The following SLC24A2 variants were observed in gnomAD, a reference collection of about 807,000 sequenced individuals.
SLC24A2 encodes solute carrier family 24 member 2.
Under a neutral mutation model 62.0 loss-of-function variants are expected in SLC24A2, and 36 were observed. That is an observed-to-expected ratio of 0.58 (90% CI 0.44 to 0.77). The LOEUF (loss-of-function observed/expected upper bound fraction) is 0.77, where lower values mean the gene tolerates loss of function less well. Among genes scored for constraint, SLC24A2 ranks in the 30% least tolerant of loss-of-function variants. SLC24A2 has a pLI of 0.00. For synonymous variants in SLC24A2, 358 were observed against 294.0 expected (o/e 1.22, Z -2.23); for missense variants, 846 against 817.9 (o/e 1.03, Z -0.42).
chr9:19,578,393 AG>A (rs1836098263), intron 5 of SLC24A2, among the ~76,000 whole-genome samples: 1 of 147,988 alleles, frequency 6.8e-6, no homozygotes, highest in African/African-American at 2.5e-5. Flanking sequence ...AAAAGTGCAG[AG>A]ATTAGGGAAA....
chr9:19,602,379 T>C (rs1037947866), intron 4 of SLC24A2, among the ~76,000 whole-genome samples: 3 of 152,208 alleles, frequency 2.0e-5, no homozygotes, highest in Non-Finnish European at 2.9e-5. Context: ...TGAACCTTGT[T>C]CTAACATCCT....
At chr9:19,696,295 G>T (rs1005933275) in intron 2 of SLC24A2, among the ~76,000 whole-genome samples, 9 of 152,192 alleles carry the variant, frequency 5.9e-5, no homozygotes, top group Admixed American at 3.3e-4. Flanking sequence ...TGCCAAAAAG[G>T]TTGGGACCAT....
the SLC24A2 span, chr9:19,929,235 C>G: frequency 1.3e-5 from 2 of 152,210 alleles, no homozygotes; most frequent in African/African-American, 4.8e-5. Flanking sequence ...ACTCCTTTCA[C>G]TCCTTTTACC....
chr9:19,910,896 T>TTC, the SLC24A2 span, among the ~76,000 whole-genome samples: 391 of 149,272 alleles, frequency 2.6e-3, 2 homozygotes, highest in African/African-American at 8.7e-3. Flanking sequence ...CTTTTTTTTT[T>TTC]CTTTTCTTTT....
rs1263110409 is a variant in SLC24A2, at chr9:19,513,162, A to ATATATATATATATG, written c.*2977_*2990dup. The ATATATATATATATG allele has an allele frequency of 1.7e-5, 1 of 60,502 alleles. No homozygotes were observed. Among genetic ancestry groups the ATATATATATATATG allele is most frequent in the Non-Finnish European group, 3.5e-5 (1 of 28,386 alleles). The allele number at this position is 60,502 out of a possible 1,614,324, so 3.7% of individuals were successfully genotyped here. ...ATAGATCTGGTATAAAGATATATAT[A>ATATATATATATATG]TATATATATATATGTATATATATAT... is the stretch of plus-strand genomic sequence containing the variant. On this transcript the variant is annotated 3_prime_UTR_variant, in exon 11 of 11. Coordinates refer to ENST00000341998, the MANE Select transcript of SLC24A2 (RefSeq NM_020344.4).
the SLC24A2 span, among the ~76,000 whole-genome samples, chr9:20,292,526 C>T: frequency 1.3e-5 from 2 of 152,190 alleles, no homozygotes; most frequent in African/African-American, 2.4e-5. Flanking sequence ...TCTGTATTGA[C>T]GTGCTGGGGC....
chr9:19,745,264 T>C (rs1821798582), intron 2 of SLC24A2, among the ~76,000 whole-genome samples: 1 of 152,182 alleles, frequency 6.6e-6, no homozygotes, highest in Non-Finnish European at 1.5e-5. Flanking sequence ...CTTGTACAGC[T>C]TGCAGAACCA....
intron 5 of SLC24A2, among the ~76,000 whole-genome samples, chr9:19,582,848 G>A (rs1443301825): frequency 6.6e-6 from 1 of 152,056 alleles, no homozygotes; most frequent in Non-Finnish European, 1.5e-5. Context: ...CAAATCTGGT[G>A]TCTCTATTTT....
chr9:19,965,557 G>C, the SLC24A2 span, among the ~76,000 whole-genome samples: 1 of 152,164 alleles, frequency 6.6e-6, no homozygotes, highest in Non-Finnish European at 1.5e-5. Context: ...TTGCTGGCTC[G>C]TGGTATGGCT....
intron 7 of SLC24A2, among the ~76,000 whole-genome samples, chr9:19,570,381 T>G (rs1835802938): frequency 6.6e-6 from 1 of 152,204 alleles, no homozygotes; most frequent in Non-Finnish European, 1.5e-5. Flanking sequence ...GAATGTTGCC[T>G]CTTCTATGGA....
intron 2 of SLC24A2, among the ~76,000 whole-genome samples, chr9:19,651,461 A>G (rs1439425401): frequency 6.6e-6 from 1 of 152,220 alleles, no homozygotes; most frequent in Non-Finnish European, 1.5e-5. Context: ...CATGTTCTTA[A>G]CAGCACTTCA....
intron 2 of SLC24A2, among the ~76,000 whole-genome samples, chr9:19,627,877 A>C (rs1818075174): frequency 6.6e-6 from 1 of 152,158 alleles, no homozygotes; most frequent in Non-Finnish European, 1.5e-5. Flanking sequence ...CATTGTAAAA[A>C]CATGGACTAA....
chr9:20,105,533 G>C, the SLC24A2 span, among the ~76,000 whole-genome samples: 28 of 150,600 alleles, frequency 1.9e-4, no homozygotes, highest in African/African-American at 6.2e-4. Context: ...TAGAACTCAG[G>C]ATTAAGAATC....
chr9:19,814,155 T>C, the SLC24A2 span, among the ~76,000 whole-genome samples: 2 of 152,190 alleles, frequency 1.3e-5, no homozygotes, highest in Non-Finnish European at 2.9e-5. Context: ...CCCACTGATA[T>C]CTCATTGTCC....
chr9:19,836,058 C>G, the SLC24A2 span, among the ~76,000 whole-genome samples: 4 of 152,150 alleles, frequency 2.6e-5, no homozygotes, highest in Non-Finnish European at 5.9e-5. Context: ...ACCAGAATCT[C>G]TGGGACACAT....
chr9:20,272,397 A>T, the SLC24A2 span, among the ~76,000 whole-genome samples: 5 of 152,264 alleles, frequency 3.3e-5, no homozygotes, highest in East Asian at 9.7e-4. Context: ...CATCCTGACA[A>T]GTATGTTTAG....
chr9:19,633,559 G>A (rs1182016139), intron 2 of SLC24A2, among the ~76,000 whole-genome samples: 3 of 152,162 alleles, frequency 2.0e-5, no homozygotes, highest in Non-Finnish European at 2.9e-5. Context: ...TGTAAAGACA[G>A]TGTCTCACTA....
the SLC24A2 span, among the ~76,000 whole-genome samples, chr9:19,885,871 C>T: frequency 6.6e-6 from 1 of 152,078 alleles, no homozygotes; most frequent in African/African-American, 2.4e-5. Flanking sequence ...GCTCCTGTGT[C>T]ACTTTGCTAA....
At chr9:20,016,911 C>T in the SLC24A2 span, among the ~76,000 whole-genome samples, 1 of 152,134 alleles carries the variant, frequency 6.6e-6, no homozygotes, top group Non-Finnish European at 1.5e-5. Flanking sequence ...TGAATATAAA[C>T]TATACGAATA....
Sources: allele counts gnomAD v4.1 joint callset (sites outside exome capture counted in the v4.1 genomes callset), GRCh38; gene constraint gnomAD v4.1.1; transcripts MANE v1.5; gene names NCBI Gene and HGNC (gene_info 2026-07-23, HGNC 2026-07-21).